Variants in TTLL12 observed in about 807,000 individuals in gnomAD.
The protein encoded by TTLL12 is tubulin tyrosine ligase like 12.
Under a neutral mutation model 79.6 loss-of-function variants are expected in TTLL12, and 77 were observed. That is an observed-to-expected ratio of 0.97 (90% confidence interval 0.81 to 1.17). The LOEUF (loss-of-function observed/expected upper bound fraction) is 1.17, where lower values mean the gene tolerates loss of function less well. Among genes scored for constraint, TTLL12 ranks in the 50% most tolerant of loss-of-function variants. TTLL12 has a pLI of 0.00. For synonymous variants in TTLL12, 437 were observed against 376.1 expected, an observed-to-expected ratio of 1.16 and a Z score of -1.87; for missense variants, 969 against 895.9, an observed-to-expected ratio of 1.08 and a Z score of -1.04.
rs1931788261 is a variant in TTLL12 at position 43,172,396 on chromosome 22, C to T, written c.1493+7G>A. On this transcript the variant is annotated splice_region_variant and intron_variant, in intron 10 of 13. Transcript: ENST00000216129. ...CCGACCCTGGACCCAGCCGGCCCTC[C>T]ACTTACCGGTTGGAGAACCGCAGCC... is the stretch of plus-strand genomic sequence containing the variant. 6.2e-7 allele frequency: 1 copy of T among 1,613,830 alleles called. No homozygotes were observed. The highest frequency in any genetic ancestry group is 1.3e-5 in the African/African-American group (1 of 74,942).
intron 6 of TTLL12, chr22:43,175,532 G>T (rs1931882828): frequency 6.6e-6 from 1 of 152,278 alleles, no homozygotes; most frequent in South Asian, 2.1e-4. Flanking sequence ...TGCAAGGTTG[G>T]TAACAGGACC....
At chr22:43,168,312 T>A (rs570289764) in intron 13 of TTLL12, among the ~76,000 whole-genome samples, 153 bp from the exon 14 acceptor site, 2 of 152,008 alleles carry the variant, frequency 1.3e-5, no homozygotes, top group African/African-American at 4.8e-5. Flanking sequence ...AGAACTTGGG[T>A]CTCTTGACTT....
intron 7 of TTLL12, 27 bp downstream of exon 7, chr22:43,174,472 G>A (rs2147069717): frequency 6.3e-7 from 1 of 1,584,812 alleles, no homozygotes; most frequent in South Asian, 1.1e-5. Context: ...TGACTGGGAG[G>A]GCCCCTGCGG....
chr22:43,177,377 TTA>T (rs1491492218), intron 5 of TTLL12, among the ~76,000 whole-genome samples: 9 of 140,388 alleles, frequency 6.4e-5, no homozygotes, highest in African/African-American at 2.4e-4. Context: ...TTTTAAAAAA[TTA>T]AAAAAAAAAA....
chr22:43,183,589 C>G (rs1336793343), intron 1 of TTLL12, among the ~76,000 whole-genome samples: 1 of 152,234 alleles, frequency 6.6e-6, no homozygotes, highest in Non-Finnish European at 1.5e-5. Context: ...CCCCCCTCAC[C>G]AGAAGAACCC....
rs750016191 is a variant in TTLL12, at chr22:43,166,871, C to T, written c.*1137G>A. Reference sequence around the variant, plus strand: ...ATAGTTCTTAATTTCAAAGAGGAGACACCGCTACACCTAGCCCTGCCCTCC... The same window carrying T: ...ATAGTTCTTAATTTCAAAGAGGAGATACCGCTACACCTAGCCCTGCCCTCC... On this transcript the variant is annotated 3_prime_UTR_variant, in exon 14 of 14. Coordinates refer to ENST00000216129, the MANE Select transcript of TTLL12 (RefSeq NM_015140.4). 1.1e-4 allele frequency: 20 copies of T among 187,932 alleles called. No homozygotes were observed. The highest frequency in any genetic ancestry group is 1.7e-4 in the Non-Finnish European group (16 of 91,596). 11.6% of individuals were successfully genotyped at this position (187,932 alleles called of 1,614,324 possible). A position where few individuals can be genotyped will look rare whatever the true frequency, so the allele number is the denominator to read the frequency against.
chr22:43,172,349 C>T lies in TTLL12; in HGVS notation c.1493+54G>A. 6.3e-6 allele frequency: 10 copies of T among 1,599,982 alleles called. No homozygotes were observed. In the South Asian group the frequency reaches 9.9e-5, roughly 16 times the overall value. On this transcript the variant is annotated intron_variant, in intron 10 of 13. Coordinates refer to ENST00000216129, the MANE Select transcript of TTLL12 (RefSeq NM_015140.4). ...AAAGGGCCCATCACCCACCCGCTAC[C>T]TCCACCCGGTCACCCAGCTCCCCGA...
intron 9 of TTLL12, among the ~76,000 whole-genome samples, chr22:43,173,174 C>T (rs1569484154): frequency 6.6e-6 from 1 of 152,212 alleles, no homozygotes; most frequent in Non-Finnish European, 1.5e-5. Flanking sequence ...AATCCCAATA[C>T]TGCTTCTGGA....
In TTLL12 at chr22:43,174,665, G is replaced by A. The variant is rs144115251; in HGVS notation, c.918-50C>T. On this transcript the variant is annotated intron_variant, in intron 6 of 13. Coordinates refer to ENST00000216129, the MANE Select transcript of TTLL12 (RefSeq NM_015140.4). ...GATCCCGGCTCCCAAGTGTCCAAGC[G>A]GGACTCCAGCACTAGCCCTGGCTCA... 638 of 1,384,060 alleles carry A rather than the reference G, an allele frequency of 4.6e-4. 3 individuals are homozygous for A. The African/African-American group carries it at 7.5e-3, about 16-fold the overall frequency. 85.7% of individuals were successfully genotyped at this position (1,384,060 alleles called of 1,614,324 possible). A position where few individuals can be genotyped will look rare whatever the true frequency, so the allele number is the denominator to read the frequency against.
rs777256486 is a variant in TTLL12 at position 43,172,571 on chromosome 22, C to A, written c.1342-17G>T. 1.9e-6 allele frequency: 3 copies of A among 1,613,774 alleles called. No individual in the cohort carries two copies. In the African/African-American group the frequency reaches 4.0e-5, roughly 22 times the overall value. On this transcript the variant is annotated splice_polypyrimidine_tract_variant and intron_variant, in intron 9 of 13. Coordinates refer to ENST00000216129, the MANE Select transcript of TTLL12 (RefSeq NM_015140.4). Reference sequence around the variant, plus strand: ...GGACACAACCTGGAGGACACAGGTGCAAGCTCGCTGGTGGCCAGGACAGAG... The same window carrying A: ...GGACACAACCTGGAGGACACAGGTGAAAGCTCGCTGGTGGCCAGGACAGAG...
At chr22:43,178,196 T>C (rs1044520408) in intron 5 of TTLL12, among the ~76,000 whole-genome samples, 1 of 152,174 alleles carries the variant, frequency 6.6e-6, no homozygotes, top group Non-Finnish European at 1.5e-5. Context: ...CCCCTTGTTT[T>C]TGGCATGGTT....
In TTLL12 at chr22:43,168,167, C is replaced by A. The variant is rs1931666887; in HGVS notation, c.1784-8G>T. 6.2e-7 allele frequency: 1 copy of A among 1,613,608 alleles called. No individual in the cohort carries two copies. The highest frequency in any genetic ancestry group is 2.2e-5 in the East Asian group (1 of 44,864). Reference sequence around the variant, plus strand: ...GCTGCATCACCCGCCTTCCTGATGGCAAAGAGCGCAGCAGAGTGTGAAGGC... The same window carrying A: ...GCTGCATCACCCGCCTTCCTGATGGAAAAGAGCGCAGCAGAGTGTGAAGGC... On this transcript the variant is annotated splice_region_variant and splice_polypyrimidine_tract_variant and intron_variant, in intron 13 of 13. Transcript: ENST00000216129.
chr22:43,167,337 G>T lies in TTLL12; in HGVS notation c.*671C>A. On this transcript the variant is annotated 3_prime_UTR_variant, in exon 14 of 14. Transcript: ENST00000216129. Reference sequence around the variant, plus strand: ...TCTGTGACCCTCAGCAAACGAAAAGGAAACGGTAACAAGACGGTGGCCTCC... The same window carrying T: ...TCTGTGACCCTCAGCAAACGAAAAGTAAACGGTAACAAGACGGTGGCCTCC... 1 of 355,272 alleles carries T rather than the reference G, an allele frequency of 2.8e-6. No homozygotes were observed. Among genetic ancestry groups the T allele is most frequent in the Non-Finnish European group, 5.7e-6 (1 of 175,756 alleles). 22.0% of individuals were successfully genotyped at this position (355,272 alleles called of 1,614,324 possible).
intron 9 of TTLL12, 45 bp downstream of exon 9, chr22:43,173,670 C>T: frequency 6.4e-7 from 1 of 1,567,540 alleles, no homozygotes; most frequent in Non-Finnish European, 8.6e-7. Flanking sequence ...TCTCACTGTC[C>T]AGCCAGGGCC....
In TTLL12 at chr22:43,186,948, GCGCGCAGCGCCGGGC is replaced by G. The variant is rs1291906122; in HGVS notation, c.107_121del (p.Gly36_Arg40del). 2 of 1,366,230 alleles carry G rather than the reference GCGCGCAGCGCCGGGC, an allele frequency of 1.5e-6. No homozygotes were observed. Among genetic ancestry groups the G allele is most frequent in the Non-Finnish European group, 1.9e-6 (2 of 1,056,266 alleles). The allele number at this position is 1,366,230 out of a possible 1,614,324, so 84.6% of individuals were successfully genotyped here. On this transcript the variant is annotated inframe_deletion, in exon 1 of 14. Coordinates refer to ENST00000216129, the MANE Select transcript of TTLL12 (RefSeq NM_015140.4). ...CCAGTAACGTTCGGGGACCCCCGAA[GCGCGCAGCGCCGGGC>G]CGTGCAGCGCCGCGAACTCGGCCAA... is the stretch of plus-strand genomic sequence containing the variant.
Position 43,174,244 on chromosome 22 carries a change from G to C in TTLL12, c.1194C>G (p.Pro398=). The change falls in exon 8 of 14, where the codon CCC becomes CCG. Residue 398 remains proline, a synonymous_variant. Transcript: ENST00000216129. ...GCTGCTGGAAGTAGCTGACAAACTGGGGCAGCTCAGTGCGCAGGTTGAAGG... is the reference window on the plus strand; with the variant it reads ...GCTGCTGGAAGTAGCTGACAAACTGCGGCAGCTCAGTGCGCAGGTTGAAGG... ...PRTFNLRTEL[P]QFVSYFQQRE... 2 of 1,607,600 alleles carry C rather than the reference G, an allele frequency of 1.2e-6. No homozygotes were observed. The highest frequency in any genetic ancestry group is 1.7e-6 in the Non-Finnish European group (2 of 1,179,870).
intron 1 of TTLL12, among the ~76,000 whole-genome samples, chr22:43,186,384 TCTC>T: frequency 6.6e-6 from 1 of 152,284 alleles, no homozygotes; most frequent in South Asian, 2.1e-4. Flanking sequence ...TCTTTAGATT[TCTC>T]CTCCACCTCT....
chr22:43,183,397 G>A (rs1932107779), intron 1 of TTLL12, among the ~76,000 whole-genome samples: 1 of 152,254 alleles, frequency 6.6e-6, no homozygotes, highest in Non-Finnish European at 1.5e-5. Context: ...GTCATCCAGA[G>A]CCTCGTCCCA....
chr22:43,171,718 G>T, intron 11 of TTLL12, 101 bp downstream of exon 11: 1 of 954,396 alleles, frequency 1.0e-6, no homozygotes, highest in Non-Finnish European at 1.6e-6. Context: ...TCCTGGGACT[G>T]GCCTGTGTGC....
Sources: gnomAD v4.1 joint callset for allele counts (sites outside exome capture counted in the v4.1 genomes callset) on GRCh38, gnomAD v4.1.1 for gene constraint, MANE v1.5 for transcripts, NCBI Gene and HGNC (gene_info 2026-07-23, HGNC 2026-07-21) for gene names.